Variants in PHACTR2 observed in about 807,000 individuals in gnomAD.
PHACTR2 encodes phosphatase and actin regulator 2, also known as chromosome 6 open reading frame 56.
Under a neutral mutation model 76.0 loss-of-function variants are expected in PHACTR2, and 30 were observed. The ratio of observed to expected loss-of-function variants is 0.39; its 90% CI spans 0.30 to 0.54. The LOEUF (loss-of-function observed/expected upper bound fraction) is 0.54. PHACTR2 is among the 20% of genes least tolerant of loss of function. PHACTR2 has a pLI of 0.61. For synonymous variants in PHACTR2, 292 were observed against 292.5 expected (o/e 1.00, Z 0.02); for missense variants, 696 against 781.1 (o/e 0.89, Z 1.30).
chr6:143,767,994 C>A lies in PHACTR2; in HGVS notation c.1232+2196C>A, dbSNP rs942480366. Among the ~76,000 whole-genome samples the A allele has an allele frequency of 6.6e-6, 1 of 152,034 alleles. No homozygotes were observed. The highest frequency in any genetic ancestry group is 1.5e-5 in the Non-Finnish European group (1 of 68,002). ...CTGGAACTACGGGTGCCTGCCACCA[C>A]GCCTGGCTAATTTTTGTATTTTTAG... is the stretch of plus-strand genomic sequence containing the variant. On this transcript the variant is annotated intron_variant, in intron 6 of 12. Coordinates refer to ENST00000440869, the MANE Select transcript of PHACTR2 (RefSeq NM_001100164.2). The surrounding 1 kb of genome is among the most constrained non-coding windows in gnomAD (Gnocchi z 4.4).
chr6:143,763,045 A>G (rs888333836), intron 5 of PHACTR2, among the ~76,000 whole-genome samples: 1 of 152,224 alleles, frequency 6.6e-6, no homozygotes, highest in Non-Finnish European at 1.5e-5. Context: ...AACTAAAATT[A>G]ACTTTTCTGT....
At chr6:143,655,708 T>C (rs7773016) in intron 1 of PHACTR2, among the ~76,000 whole-genome samples, 2,237 of 152,330 alleles carry the variant, frequency 0.015, 38 homozygotes, top group African/African-American at 0.051. Context: ...ATGTAGTGTT[T>C]GCATTTATGA....
At chr6:143,790,393 A>T (rs1775654699) in intron 11 of PHACTR2, among the ~76,000 whole-genome samples, 1 of 151,852 alleles carries the variant, frequency 6.6e-6, no homozygotes, top group Non-Finnish European at 1.5e-5. Flanking sequence ...CTGGAGTAGC[A>T]GGTCAGTACT....
At position 143,646,314 on chromosome 6, in the gene PHACTR2, C is replaced by A. The variant is rs150603063; in HGVS notation, c.13+37992C>A. On this transcript the variant is annotated intron_variant, in intron 1 of 11. Transcript: ENST00000305766. This position sits in a 1 kb window ranked among gnomAD's most constrained non-coding sequence, Gnocchi z 4.1. Reference sequence around the variant, plus strand: ...TGAAAAACTCTATCCCACTTTAAAACTCCTAAATAGAACAAGCATTTATCT... The same window carrying A: ...TGAAAAACTCTATCCCACTTTAAAAATCCTAAATAGAACAAGCATTTATCT... 2.6e-3 allele frequency among the ~76,000 whole-genome samples: 400 copies of A among 152,252 alleles called. 6 individuals carry two copies. The highest frequency in any genetic ancestry group is 9.2e-3 in the African/African-American group (382 of 41,556).
chr6:143,651,778 C>T (rs1285591307), intron 1 of PHACTR2, among the ~76,000 whole-genome samples: 2 of 151,922 alleles, frequency 1.3e-5, no homozygotes, highest in Non-Finnish European at 2.9e-5. Flanking sequence ...TTGATCTGTA[C>T]AGCAAACCAC....
rs554785110 is a variant in PHACTR2 at position 143,549,905 on chromosome 6, G to A, written c.217+12698G>A. ...ATCCTAGGTTGTGGTTTTCAGCCAT[G>A]ATCACTTTGCTGCACTGTTAATAGA... On this transcript the variant is annotated intron_variant, in intron 1 of 11. Transcript: ENST00000367584. The surrounding 1 kb of genome is among the most constrained non-coding windows in gnomAD (Gnocchi z 4.2). 2.0e-5 allele frequency among the ~76,000 whole-genome samples: 3 copies of A among 151,948 alleles called. No homozygotes were observed. Among genetic ancestry groups the A allele is most frequent in the Non-Finnish European group, 2.9e-5 (2 of 67,962 alleles).
At chr6:143,719,171 C>A (rs909712969) in intron 2 of PHACTR2, among the ~76,000 whole-genome samples, 6 of 149,804 alleles carry the variant, frequency 4.0e-5, no homozygotes, top group East Asian at 2.0e-4. Flanking sequence ...GCGTGAGCAA[C>A]CGTGCCTGGC....
Position 143,822,872 on chromosome 6 carries a change from A to G in PHACTR2, c.1923-802A>G, listed in dbSNP as rs541090523. 6.6e-6 allele frequency among the ~76,000 whole-genome samples: 1 copy of G among 152,250 alleles called. No homozygotes were observed. Among genetic ancestry groups the G allele is most frequent in the Non-Finnish European group, 1.5e-5 (1 of 68,042 alleles). The stretch of plus-strand genomic sequence containing the variant: ...AAAAGCACCGGGCTACAAAAATGCA[A>G]GGAATGTTCAGGAACTCACAAGGAG... On this transcript the variant is annotated intron_variant, in intron 12 of 12. Transcript: ENST00000440869. The surrounding 1 kb of genome is among the most constrained non-coding windows in gnomAD (Gnocchi z 5.5).
intron 2 of PHACTR2, among the ~76,000 whole-genome samples, chr6:143,720,744 T>C (rs114910790): frequency 0.017 from 2,597 of 152,170 alleles, 77 homozygotes; most frequent in African/African-American, 0.06. Context: ...CCCTGAGTCA[T>C]TGGGACCACA....
chr6:143,581,492 T>A lies in PHACTR2; in HGVS notation c.217+44285T>A, dbSNP rs13216148. On this transcript the variant is annotated intron_variant, in intron 1 of 11. Transcript: ENST00000367584. The surrounding 1 kb of genome is among the most constrained non-coding windows in gnomAD (Gnocchi z 4.5). Reference sequence around the variant, plus strand: ...AGACCTGGGAAGGAGAGAAGGGACCTTTTCTGCAGACGGTGGCCTGGAGAA... The same window carrying A: ...AGACCTGGGAAGGAGAGAAGGGACCATTTCTGCAGACGGTGGCCTGGAGAA... Among the ~76,000 whole-genome samples, 5 of 151,774 alleles carry A rather than the reference T, an allele frequency of 3.3e-5. No individual in the cohort carries two copies. Among genetic ancestry groups the A allele is most frequent in the Admixed American group, 6.6e-5 (1 of 15,248 alleles).
rs569663549 is a variant in PHACTR2 at position 143,586,953 on chromosome 6, C to G, written c.217+49746C>G. Among the ~76,000 whole-genome samples, 148 of 152,276 alleles carry G rather than the reference C, an allele frequency of 9.7e-4. 1 individual carries two copies. Among genetic ancestry groups the G allele is most frequent in the African/African-American group, 3.3e-3 (137 of 41,536 alleles). ...AAAGACAATCTGATGTTGTTTCTAA[C>G]TTACCTCTCAGTAACATGAAATGGT... is the stretch of plus-strand genomic sequence containing the variant. On this transcript the variant is annotated intron_variant, in intron 1 of 11. Coordinates refer to the PHACTR2 transcript ENST00000367584.
intron 1 of PHACTR2, among the ~76,000 whole-genome samples, chr6:143,666,564 G>A (rs1023539603): frequency 2.0e-5 from 3 of 152,046 alleles, no homozygotes; most frequent in South Asian, 2.1e-4. Flanking sequence ...TTTAATGATC[G>A]CCATTCTAAC....
chr6:143,809,609 C>T lies in PHACTR2; in HGVS notation c.1922+2476C>T, dbSNP rs1048979351. On this transcript the variant is annotated intron_variant, in intron 12 of 12. Coordinates refer to ENST00000440869, the MANE Select transcript of PHACTR2 (RefSeq NM_001100164.2). The surrounding 1 kb of genome is among the most constrained non-coding windows in gnomAD (Gnocchi z 4.2). ...ATTAAGTATAAATGAAAAACCTTCACTCCTTTCCCAACCTCATTTCTGTTC... is the reference window on the plus strand; with the variant it reads ...ATTAAGTATAAATGAAAAACCTTCATTCCTTTCCCAACCTCATTTCTGTTC... Among the ~76,000 whole-genome samples the T allele has an allele frequency of 1.3e-5, 2 of 152,140 alleles. No individual in the cohort carries two copies. Among genetic ancestry groups the T allele is most frequent in the Non-Finnish European group, 2.9e-5 (2 of 68,038 alleles).
Position 143,765,470 on chromosome 6 carries a change from C to A in PHACTR2, c.904C>A (p.Leu302Met). Residue 302 changes from leucine (L) to methionine (M), a missense_variant, in exon 6 of 13, where the codon CTG (leucine) becomes ATG (methionine). Physicochemically the swap from Leu to Met is conservative, Grantham distance 15. Coordinates refer to ENST00000440869, the MANE Select transcript of PHACTR2 (RefSeq NM_001100164.2). The surrounding 1 kb of genome is among the most constrained non-coding windows in gnomAD (Gnocchi z 4.1). The stretch of plus-strand genomic sequence containing the variant: ...CACAACAACTTCTGGCACATCCGAC[C>A]TGAAAGGAGAGCCTGCAGAGACCAG... ...SDTTTSGTSDLKGEPAETRVE... is the reference protein window; with the variant it reads ...SDTTTSGTSDMKGEPAETRVE... The A allele has an allele frequency of 1.2e-6, 2 of 1,614,194 alleles. No individual in the cohort carries two copies. Among genetic ancestry groups the A allele is most frequent in the Non-Finnish European group, 1.7e-6 (2 of 1,180,030 alleles).
chr6:143,776,029 G>C lies in PHACTR2; in HGVS notation c.1590-1299G>C, dbSNP rs1032740735. ...ACCTGTAATCCCAGCTACTCAGGAG[G>C]CTGAGGCAGTAATTTTGGAGGCAGA... is the stretch of plus-strand genomic sequence containing the variant. On this transcript the variant is annotated intron_variant, in intron 8 of 12. Transcript: ENST00000440869. This position sits in a 1 kb window ranked among gnomAD's most constrained non-coding sequence, Gnocchi z 5.3. Among the ~76,000 whole-genome samples, 16 of 152,148 alleles carry C rather than the reference G, an allele frequency of 1.1e-4. No homozygotes were observed. The highest frequency in any genetic ancestry group is 3.9e-4 in the African/African-American group (16 of 41,440).
chr6:143,724,555 C>T (rs1778516220), intron 2 of PHACTR2, among the ~76,000 whole-genome samples: 1 of 152,166 alleles, frequency 6.6e-6, no homozygotes, highest in African/African-American at 2.4e-5. Context: ...TAGATTGCCT[C>T]TTGGTGGCTC....
chr6:143,698,940 GGTAATT>G lies in PHACTR2; in HGVS notation c.47-13075_47-13070del, dbSNP rs1777835341. Among the ~76,000 whole-genome samples the G allele has an allele frequency of 6.6e-6, 1 of 152,132 alleles. No homozygotes were observed. Among genetic ancestry groups the G allele is most frequent in the Admixed American group, 6.5e-5 (1 of 15,272 alleles). ...GTCTCCTTGGCAACACTGTTGCCCT[GGTAATT>G]CTCTTCAATGGTGGCTCTGTTGTCC... On this transcript the variant is annotated intron_variant, in intron 1 of 12. Coordinates refer to ENST00000440869, the MANE Select transcript of PHACTR2 (RefSeq NM_001100164.2). This position sits in a 1 kb window ranked among gnomAD's most constrained non-coding sequence, Gnocchi z 4.3.
chr6:143,765,864 A>G lies in PHACTR2; in HGVS notation c.1232+66A>G. On this transcript the variant is annotated intron_variant, in intron 6 of 12. Transcript: ENST00000440869. This position sits in a 1 kb window ranked among gnomAD's most constrained non-coding sequence, Gnocchi z 4.1. ...AAGATCACTAATATATTCTGTTGGAAATGAAGCACCGGGTTTGCTTTCTTA... is the reference window on the plus strand; with the variant it reads ...AAGATCACTAATATATTCTGTTGGAGATGAAGCACCGGGTTTGCTTTCTTA... 1 of 1,355,806 alleles carries G rather than the reference A, an allele frequency of 7.4e-7. No homozygotes were observed. The highest frequency in any genetic ancestry group is 1.0e-6 in the Non-Finnish European group (1 of 980,454). The allele number at this position is 1,355,806 out of a possible 1,614,324, so 84.0% of individuals were successfully genotyped here.
intron 2 of PHACTR2, among the ~76,000 whole-genome samples, chr6:143,734,269 G>A (rs1327181649): frequency 6.6e-6 from 1 of 152,172 alleles, no homozygotes; most frequent in Admixed American, 6.6e-5. Flanking sequence ...ACAATAAATG[G>A]CCTAACCATC....
Sources: gnomAD v4.1 joint callset for allele counts (sites outside exome capture counted in the v4.1 genomes callset) on GRCh38, gnomAD v4.1.1 for gene constraint, Gnocchi (gnomAD v3.1) non-coding constraint, MANE v1.5 for transcripts, NCBI Gene and HGNC (gene_info 2026-07-23, HGNC 2026-07-21) for gene names.